The following TANC1 variants were observed in gnomAD, a reference collection of about 807,000 sequenced individuals.
TANC1 encodes the protein protein TANC1.
A neutral mutation model predicts 149.7 loss-of-function variants in TANC1; 77 were observed. The ratio of observed to expected loss-of-function variants is 0.51; its 90% confidence interval spans 0.43 to 0.62. The LOEUF is 0.62. TANC1 is among the 20% of genes least tolerant of loss of function. The probability of loss-of-function intolerance (pLI) is 0.00; values close to 1 mark genes in which losing one functional copy is unlikely to be tolerated. For missense variants in TANC1, 1,985 were observed against 2,321.8 expected (o/e 0.85, Z 2.98); for synonymous variants, 854 against 925.0 (o/e 0.92, Z 1.39).
At chr2:159,033,047 G>T (rs138597996) in intron 2 of TANC1, among the ~76,000 whole-genome samples, 1 of 152,142 alleles carries the variant, frequency 6.6e-6, no homozygotes, top group Admixed American at 6.6e-5. Flanking sequence ...TGGCCGGTCC[G>T]TCAGCCACTG....
chr2:159,172,291 T>C lies in TANC1; in HGVS notation c.1503+19T>C. ...TTCTAAGGTAATCTTTCTTGTTTTA[T>C]TGGAGCCTTCCACATAGAGAGATTT... On this transcript the variant is annotated intron_variant, in intron 11 of 26. Coordinates refer to ENST00000263635, the MANE Select transcript of TANC1 (RefSeq NM_033394.3). The C allele has an allele frequency of 1.4e-5, 23 of 1,611,896 alleles. No individual in the cohort carries two copies. The highest frequency in any genetic ancestry group is 2.0e-5 in the Non-Finnish European group (23 of 1,178,632).
intron 2 of TANC1, among the ~76,000 whole-genome samples, chr2:159,031,547 A>G (rs1215334496): frequency 3.9e-5 from 6 of 152,194 alleles, no homozygotes; most frequent in African/African-American, 1.4e-4. Flanking sequence ...AAATTCCTCA[A>G]TTTTTCCCAA....
In TANC1 at chr2:159,184,460, T is replaced by TG. The variant is rs150295077; in HGVS notation, c.2511-1329dup. On this transcript the variant is annotated intron_variant, in intron 14 of 26. Coordinates refer to ENST00000263635, the MANE Select transcript of TANC1 (RefSeq NM_033394.3). ...TTAGGCCCGGCCACCAAGGGGTGTG[T>TG]GGTCATCACCCTGTAAAGTGATAGT... Among the ~76,000 whole-genome samples, 880 of 152,244 alleles carry TG rather than the reference T, an allele frequency of 5.8e-3. 11 individuals are homozygous for TG. The highest frequency in any genetic ancestry group is 0.02 in the African/African-American group (824 of 41,536).
intron 3 of TANC1, among the ~76,000 whole-genome samples, chr2:159,087,055 G>A (rs1369365892): frequency 1.3e-5 from 2 of 151,988 alleles, no homozygotes; most frequent in East Asian, 1.9e-4. Flanking sequence ...TATTGTTAGC[G>A]AGTTCTGGCA....
chr2:159,044,422 C>A (rs1018819493), intron 2 of TANC1, among the ~76,000 whole-genome samples: 1 of 152,050 alleles, frequency 6.6e-6, no homozygotes, highest in Non-Finnish European at 1.5e-5. Context: ...TGGGTGACAG[C>A]ATGAAACCCT....
intron 4 of TANC1, among the ~76,000 whole-genome samples, chr2:159,115,098 A>C (rs1020779786): frequency 3.9e-5 from 6 of 152,170 alleles, no homozygotes; most frequent in African/African-American, 1.4e-4. Flanking sequence ...ACAACAGTGA[A>C]GACATTGAGG....
intron 14 of TANC1, among the ~76,000 whole-genome samples, chr2:159,185,067 C>T (rs546293510): frequency 4.6e-5 from 7 of 152,300 alleles, no homozygotes; most frequent in Admixed American, 1.3e-4. Flanking sequence ...ACCTGCTTTT[C>T]CCCAACCAAA....
Position 159,229,569 on chromosome 2 carries a change from C to T in TANC1, c.4152-9C>T, listed in dbSNP as rs755205290. ...GGTTTGTAATGTTACCTTACATTTT[C>T]CTACAAAGGCAATTCGTGGCAGCTC... On this transcript the variant is annotated splice_polypyrimidine_tract_variant and intron_variant, in intron 26 of 26. Coordinates refer to ENST00000263635, the MANE Select transcript of TANC1 (RefSeq NM_033394.3). 6.2e-7 allele frequency: 1 copy of T among 1,604,646 alleles called. No individual in the cohort carries two copies. Among genetic ancestry groups the T allele is most frequent in the South Asian group, 1.1e-5 (1 of 90,200 alleles).
At chr2:159,041,773 GCC>G (rs945368723) in intron 2 of TANC1, among the ~76,000 whole-genome samples, 121 of 152,148 alleles carry the variant, frequency 8.0e-4, no homozygotes, top group Non-Finnish European at 4.6e-4. Context: ...GCTTTGGCTT[GCC>G]CTCTGTGGGC....
At chr2:159,162,130 C>T (rs752196983) in intron 7 of TANC1, among the ~76,000 whole-genome samples, 39 of 152,170 alleles carry the variant, frequency 2.6e-4, no homozygotes, top group Admixed American at 5.2e-4. Context: ...ACTTCTAAAC[C>T]GTAAAGAATA....
intron 4 of TANC1, among the ~76,000 whole-genome samples, chr2:159,129,199 A>G (rs992943695): frequency 6.6e-6 from 1 of 152,218 alleles, no homozygotes; most frequent in African/African-American, 2.4e-5. Context: ...ATATAAATAT[A>G]TAATTATCTT....
intron 3 of TANC1, among the ~76,000 whole-genome samples, chr2:159,092,832 A>C (rs2149871899): frequency 6.6e-6 from 1 of 152,338 alleles, no homozygotes; most frequent in East Asian, 1.9e-4. Flanking sequence ...ATGTATTTAA[A>C]ATACTCACTA....
At chr2:159,035,180 G>A (rs918731267) in intron 2 of TANC1, among the ~76,000 whole-genome samples, 2 of 152,126 alleles carry the variant, frequency 1.3e-5, no homozygotes, top group African/African-American at 4.8e-5. Flanking sequence ...ATGACCACGA[G>A]GTAAACTGTA....
chr2:159,152,463 A>ATTTTT (rs55894080), intron 7 of TANC1, among the ~76,000 whole-genome samples: 28 of 118,130 alleles, frequency 2.4e-4, no homozygotes, highest in Middle Eastern at 5.2e-3. Context: ...TTATAACCAA[A>ATTTTT]TTTTTTTTTT....
intron 14 of TANC1, among the ~76,000 whole-genome samples, chr2:159,182,951 T>C (rs952469224): frequency 5.3e-5 from 8 of 152,232 alleles, no homozygotes; most frequent in Admixed American, 5.2e-4. Flanking sequence ...GAGGAGCTAT[T>C]GAAGACGTCG....
intron 2 of TANC1, among the ~76,000 whole-genome samples, chr2:159,036,211 G>C (rs557936261): frequency 6.6e-6 from 1 of 152,082 alleles, no homozygotes; most frequent in South Asian, 2.1e-4. Flanking sequence ...TTTGAGCTAC[G>C]ACTGTTCACC....
intron 4 of TANC1, among the ~76,000 whole-genome samples, chr2:159,113,030 G>T (rs546664532): frequency 1.9e-4 from 29 of 152,170 alleles, no homozygotes; most frequent in Non-Finnish European, 3.2e-4. Flanking sequence ...TTCCTCCTGG[G>T]CTTAATCGAT....
At chr2:159,099,184 A>G (rs2046419630) in intron 4 of TANC1, among the ~76,000 whole-genome samples, 1 of 152,204 alleles carries the variant, frequency 6.6e-6, no homozygotes, top group Non-Finnish European at 1.5e-5. Flanking sequence ...CATTGTTTAC[A>G]ATCCATTAAT....
intron 6 of TANC1, chr2:159,150,085 T>C (rs2052609719): frequency 3.3e-6 from 1 of 302,454 alleles, no homozygotes; most frequent in Non-Finnish European, 6.1e-6. Context: ...CAAATGTGCA[T>C]CCTCACTAAA....
Sources: allele counts gnomAD v4.1 joint callset (sites outside exome capture counted in the v4.1 genomes callset), GRCh38; gene constraint gnomAD v4.1.1; transcripts MANE v1.5; gene names NCBI Gene and HGNC (gene_info 2026-07-23, HGNC 2026-07-21).